TTC8: variants seen among roughly 807,000 people sequenced by gnomAD.
TTC8 encodes the protein tetratricopeptide repeat protein 8.
Under a neutral mutation model 72.5 loss-of-function variants are expected in TTC8, and 47 were observed. The observed-to-expected ratio is 0.65, with a 90% CI of 0.51 to 0.83. TTC8 has a LOEUF of 0.83. Ranked by LOEUF, TTC8 falls within the 40% of genes least tolerant of loss-of-function variation. The probability of loss-of-function intolerance (pLI) is 0.00; values close to 1 mark genes in which losing one functional copy is unlikely to be tolerated. For synonymous variants in TTC8, 199 were observed against 221.4 expected (o/e 0.90, Z 0.90); for missense variants, 611 against 623.2 (o/e 0.98, Z 0.21).
intron 1 of TTC8, among the ~76,000 whole-genome samples, chr14:88,825,067 T>C (rs929990104): frequency 2.6e-5 from 4 of 152,152 alleles, no homozygotes; most frequent in Admixed American, 2.0e-4. Flanking sequence ...CAGCCTCCCC[T>C]CCCCTATACG....
intron 2 of TTC8, among the ~76,000 whole-genome samples, chr14:88,834,485 A>G (rs1453838927): frequency 3.9e-5 from 6 of 152,190 alleles, no homozygotes; most frequent in Non-Finnish European, 8.8e-5. Context: ...TTAGGTAAAT[A>G]AAAGACTTGA....
rs768109470 is a variant in TTC8 at position 88,824,705 on chromosome 14, G to GC, written c.-1dup. The GC allele has an allele frequency of 1.2e-6, 2 of 1,604,496 alleles. No individual in the cohort carries two copies. Among genetic ancestry groups the GC allele is most frequent in the East Asian group, 4.5e-5 (2 of 44,570 alleles). On this transcript the variant is annotated 5_prime_UTR_variant, in exon 1 of 15. Coordinates refer to ENST00000380656, the MANE Select transcript of TTC8 (RefSeq NM_144596.4). Reference sequence around the variant, plus strand: ...TGGGCCTTCGCTGGCCGCACCGGCAGCCATGAGCTCGGAGATGGAGCCGCT... The same window carrying GC: ...TGGGCCTTCGCTGGCCGCACCGGCAGCCCATGAGCTCGGAGATGGAGCCGCT...
intron 2 of TTC8, among the ~76,000 whole-genome samples, chr14:88,835,250 A>T (rs1351022788): frequency 6.6e-6 from 1 of 152,234 alleles, no homozygotes; most frequent in Non-Finnish European, 1.5e-5. Context: ...CTGTATTAAG[A>T]GTAACAGAAT....
chr14:88,864,932 G>A (rs555027369), intron 10 of TTC8, among the ~76,000 whole-genome samples: 69 of 152,186 alleles, frequency 4.5e-4, no homozygotes, highest in African/African-American at 1.6e-3. Context: ...GCTTGGCCCT[G>A]GCTGGAGGGA....
chr14:88,870,436 T>C (rs548581956), intron 11 of TTC8, among the ~76,000 whole-genome samples: 29 of 152,240 alleles, frequency 1.9e-4, no homozygotes, highest in Non-Finnish European at 2.9e-4. Flanking sequence ...AACCTCATTG[T>C]CATTGTATGT....
chr14:88,878,695 T>A (rs1208662363), downstream of TTC8: 1 of 152,206 alleles, frequency 6.6e-6, no homozygotes, highest in Admixed American at 6.5e-5. Flanking sequence ...CCTAATATCG[T>A]AGTCAATATT....
chr14:88,832,438 A>C (rs895924305), intron 1 of TTC8, among the ~76,000 whole-genome samples: 1 of 151,876 alleles, frequency 6.6e-6, no homozygotes, highest in African/African-American at 2.4e-5. Context: ...TATCTCTCCT[A>C]AACTTTACCT....
At chr14:88,862,001 G>A (rs1186110966) in intron 10 of TTC8, among the ~76,000 whole-genome samples, 2 of 152,112 alleles carry the variant, frequency 1.3e-5, no homozygotes, top group Non-Finnish European at 2.9e-5. Flanking sequence ...ATTCAGCAGT[G>A]GGATTGCTGG....
chr14:88,859,876 T>TTATATAATA (rs1413169965), intron 9 of TTC8, among the ~76,000 whole-genome samples: 1 of 117,602 alleles, frequency 8.5e-6, no homozygotes, highest in African/African-American at 5.3e-5. Context: ...TATAAATATA[T>TTATATAATA]TATATATTAT....
chr14:88,826,892 A>G (rs1566828211), intron 1 of TTC8, among the ~76,000 whole-genome samples: 1 of 152,208 alleles, frequency 6.6e-6, no homozygotes, highest in Non-Finnish European at 1.5e-5. Context: ...TGGGAAATGT[A>G]TGTTCCTTCT....
rs2141036744 is a variant in TTC8 at position 88,871,624 on chromosome 14, G to A, written c.1125G>A (p.Gln375=). 2.5e-6 allele frequency: 4 copies of A among 1,614,168 alleles called. No homozygotes were observed. The highest frequency in any genetic ancestry group is 3.4e-6 in the Non-Finnish European group (4 of 1,180,020). Residue 375 remains glutamine, a synonymous_variant, in exon 12 of 15, where the codon CAG becomes CAA. Coordinates refer to ENST00000380656, the MANE Select transcript of TTC8 (RefSeq NM_144596.4). The surrounding 1 kb of genome is among the most constrained non-coding windows in gnomAD (Gnocchi z 4.1). ...NLGLCCFYAQ[Q]YDMTLTSFER... ...GGCTGTGTTGCTTCTATGCCCAGCAGTATGATATGACTCTGACCTCATTTG... is the reference window on the plus strand; with the variant it reads ...GGCTGTGTTGCTTCTATGCCCAGCAATATGATATGACTCTGACCTCATTTG...
intron 9 of TTC8, among the ~76,000 whole-genome samples, chr14:88,859,878 ATATAT>A (rs1566850276): frequency 1.1e-5 from 1 of 91,926 alleles, no homozygotes; most frequent in African/African-American, 3.2e-5. Context: ...TAAATATATT[ATATAT>A]TATATAATAT....
chr14:88,876,100 G>A (rs1188540186), intron 14 of TTC8, among the ~76,000 whole-genome samples: 4 of 152,120 alleles, frequency 2.6e-5, no homozygotes, highest in African/African-American at 9.7e-5. Flanking sequence ...CCTTGGCAGT[G>A]GCAGATTTCA....
chr14:88,855,398 G>A (rs1352251701), intron 8 of TTC8, among the ~76,000 whole-genome samples: 1 of 152,088 alleles, frequency 6.6e-6, no homozygotes, highest in Non-Finnish European at 1.5e-5. Flanking sequence ...GATACTGGCC[G>A]GTGTTTATAA....
chr14:88,830,771 A>G (rs894246074), intron 1 of TTC8: 2 of 442,816 alleles, frequency 4.5e-6, no homozygotes, highest in Non-Finnish European at 9.1e-6. Flanking sequence ...AATTTAAATC[A>G]CAGAACTACA....
intron 8 of TTC8, among the ~76,000 whole-genome samples, chr14:88,856,752 T>A (rs2094857876): frequency 6.6e-6 from 1 of 152,272 alleles, no homozygotes; most frequent in Non-Finnish European, 1.5e-5. Flanking sequence ...GAATAGCTTT[T>A]AAAGATAGCT....
At chr14:88,863,847 CTT>C in intron 10 of TTC8, among the ~76,000 whole-genome samples, 1 of 152,290 alleles carries the variant, frequency 6.6e-6, no homozygotes, top group African/African-American at 2.4e-5. Context: ...ACTAGCAACT[CTT>C]TAAATTGTAA....
chr14:88,877,366 C>A lies in TTC8; in HGVS notation c.1504C>A (p.Gln502Lys). Residue 502 changes from glutamine (Q) to lysine (K), a missense_variant, in exon 15 of 15, where the codon CAA becomes AAA. Transcript: ENST00000380656. ...AGCATTTCCAGACCATGTGGACACA[C>A]AACATTTAATTAAACAATTAAGGCA... ...EAAFPDHVDT[Q>K]HLIKQLRQHF... 6.2e-7 allele frequency: 1 copy of A among 1,613,750 alleles called. No homozygotes were observed. Among genetic ancestry groups the A allele is most frequent in the East Asian group, 2.2e-5 (1 of 44,814 alleles).
chr14:88,862,878 C>A (rs2094894586), intron 10 of TTC8, among the ~76,000 whole-genome samples: 1 of 151,314 alleles, frequency 6.6e-6, no homozygotes, highest in Non-Finnish European at 1.5e-5. Context: ...AGATATCTTC[C>A]CTGCTATCTA....
Sources: gnomAD v4.1 joint callset for allele counts (sites outside exome capture counted in the v4.1 genomes callset) on GRCh38, gnomAD v4.1.1 for gene constraint, Gnocchi (gnomAD v3.1) non-coding constraint, MANE v1.5 for transcripts, NCBI Gene and HGNC (gene_info 2026-07-23, HGNC 2026-07-21) for gene names.